Variants in ZNF250 observed in about 807,000 individuals in gnomAD.
The protein encoded by ZNF250 is zinc finger protein (clone 647).
A neutral mutation model predicts 37.1 loss-of-function variants in ZNF250; 13 were observed. The ratio of observed to expected loss-of-function variants is 0.35; its 90% confidence interval spans 0.23 to 0.56. The LOEUF (loss-of-function observed/expected upper bound fraction) is 0.56. ZNF250 is among the 20% of genes least tolerant of loss of function. The pLI is 0.87. For missense variants in ZNF250, 474 were observed against 697.9 expected (o/e 0.68, Z 3.61); for synonymous variants, 251 against 265.6 (o/e 0.94, Z 0.54).
In ZNF250 at chr8:144,890,786, G is replaced by C. The variant is rs1472121891; in HGVS notation, c.-54-383C>G. 6.6e-6 allele frequency among the ~76,000 whole-genome samples: 1 copy of C among 152,164 alleles called. No homozygotes were observed. Among genetic ancestry groups the C allele is most frequent in the African/African-American group, 2.4e-5 (1 of 41,438 alleles). ...CACACAAGTACCAGACTGTCCGCAA[G>C]TCATGTGGGGGATACAGGCATCAGG... is the stretch of plus-strand genomic sequence containing the variant. On this transcript the variant is annotated intron_variant, in intron 1 of 5. Transcript: ENST00000417550. This position sits in a 1 kb window ranked among gnomAD's most constrained non-coding sequence, Gnocchi z 5.1.
At chr8:144,896,545 C>G (rs983905530) in intron 1 of ZNF250, among the ~76,000 whole-genome samples, 1 of 152,080 alleles carries the variant, frequency 6.6e-6, no homozygotes, top group Non-Finnish European at 1.5e-5. Context: ...ATACTCAAGA[C>G]AGGAAAATGT....
At chr8:144,885,917 G>A (rs981660404) in intron 5 of ZNF250, among the ~76,000 whole-genome samples, 3 of 151,808 alleles carry the variant, frequency 2.0e-5, no homozygotes, top group African/African-American at 4.8e-5. Flanking sequence ...ACCAGCTTGC[G>A]CAACATGGTG....
chr8:144,900,062 C>T (rs1563905994), intron 1 of ZNF250, among the ~76,000 whole-genome samples: 1 of 152,096 alleles, frequency 6.6e-6, no homozygotes, highest in Non-Finnish European at 1.5e-5. Flanking sequence ...TTTCAACATA[C>T]ATGGAAAAAA....
At position 144,894,585 on chromosome 8, in the gene ZNF250, C is replaced by T. The variant is rs944926840; in HGVS notation, c.-54-4182G>A. Among the ~76,000 whole-genome samples the T allele has an allele frequency of 3.4e-5, 5 of 148,514 alleles. No individual in the cohort carries two copies. In the East Asian group the frequency reaches 6.2e-4, roughly 18 times the overall value. ...CAGGCCCAACAGAGTAATCAGTGGT[C>T]GACCTTTTTTTTTTTTTTTTAATTA... On this transcript the variant is annotated intron_variant, in intron 1 of 5. Transcript: ENST00000417550.
At chr8:144,887,927 C>T (rs957555229) in intron 4 of ZNF250, among the ~76,000 whole-genome samples, 4 of 152,182 alleles carry the variant, frequency 2.6e-5, no homozygotes, top group African/African-American at 7.2e-5. Flanking sequence ...CATAAAGCTA[C>T]TTTAGAAATA....
rs368765560 is a variant in ZNF250 at position 144,890,072 on chromosome 8, G to A, written c.43-13C>T. ...AGGTCAGCTTGGCCTGGAACGACAG[G>A]GGCTGCTGCAGGTAAAACCAAATCC... On this transcript the variant is annotated splice_polypyrimidine_tract_variant and intron_variant, in intron 2 of 5. Coordinates refer to ENST00000417550, the MANE Select transcript of ZNF250 (RefSeq NM_001109689.4). The surrounding 1 kb of genome is among the most constrained non-coding windows in gnomAD (Gnocchi z 5.1). 4.3e-6 allele frequency: 7 copies of A among 1,610,280 alleles called. No individual in the cohort carries two copies. The African/African-American group carries it at 9.4e-5, about 22-fold the overall frequency.
rs1300164444 is a variant in ZNF250, at chr8:144,890,418, G to A, written c.-54-15C>T. On this transcript the variant is annotated splice_polypyrimidine_tract_variant and intron_variant, in intron 1 of 5. Transcript: ENST00000417550. This position sits in a 1 kb window ranked among gnomAD's most constrained non-coding sequence, Gnocchi z 5.1. ...AGCCTATGGGGCTGAGGAAGAGGAGGGGGCAAGTGAGGGGCATGGCCTTGA... is the reference window on the plus strand; with the variant it reads ...AGCCTATGGGGCTGAGGAAGAGGAGAGGGCAAGTGAGGGGCATGGCCTTGA... The A allele has an allele frequency of 8.6e-6, 12 of 1,397,998 alleles. No individual in the cohort carries two copies. The highest frequency in any genetic ancestry group is 1.1e-5 in the Non-Finnish European group (12 of 1,066,738). 86.6% of individuals were successfully genotyped at this position (1,397,998 alleles called of 1,614,324 possible).
At position 144,878,133 on chromosome 8, in the gene ZNF250, G is replaced by C. The variant is rs1044197754; in HGVS notation, c.*3382C>G. The C allele has an allele frequency of 2.6e-5, 4 of 152,162 alleles. No homozygotes were observed. The highest frequency in any genetic ancestry group is 5.9e-5 in the Non-Finnish European group (4 of 68,040). The allele number at this position is 152,162 out of a possible 1,614,324, so 9.4% of individuals were successfully genotyped here. A position where few individuals can be genotyped will look rare whatever the true frequency, so the allele number is the denominator to read the frequency against. ...CAGGTTTCTGGACTTTCATCTCAGT[G>C]ATCTCATCTAGGTACCTGGGTGATC... On this transcript the variant is annotated 3_prime_UTR_variant, in exon 6 of 6. Coordinates refer to ENST00000417550, the MANE Select transcript of ZNF250 (RefSeq NM_001109689.4).
chr8:144,894,896 T>C (rs1325315602), intron 1 of ZNF250, among the ~76,000 whole-genome samples: 2 of 151,964 alleles, frequency 1.3e-5, no homozygotes, highest in African/African-American at 4.8e-5. Context: ...ACTCCTAGGC[T>C]CAAGGGATCC....
chr8:144,892,947 C>T (rs2129830375), intron 1 of ZNF250, among the ~76,000 whole-genome samples: 1 of 150,904 alleles, frequency 6.6e-6, no homozygotes, highest in East Asian at 2.0e-4. Context: ...GCAACCCCTG[C>T]CTCCCAGGTT....
chr8:144,901,676 T>C (rs1833118461), upstream of ZNF250: 1 of 151,838 alleles, frequency 6.6e-6, no homozygotes, highest in Admixed American at 6.6e-5. This position sits in a 1 kb window ranked among gnomAD's most constrained non-coding sequence, Gnocchi z 5.4. Flanking sequence ...CGAACACCTC[T>C]GGGCAATGGG....
intron 1 of ZNF250, among the ~76,000 whole-genome samples, chr8:144,899,732 A>G (rs1246398939): frequency 6.6e-6 from 1 of 152,216 alleles, no homozygotes; most frequent in Non-Finnish European, 1.5e-5. Context: ...CGGTTTTTCA[A>G]ATCAATGGGA....
intron 1 of ZNF250, among the ~76,000 whole-genome samples, chr8:144,900,489 G>A (rs557908412): frequency 3.3e-4 from 51 of 152,312 alleles, no homozygotes; most frequent in African/African-American, 1.2e-3. Context: ...TCATACACTG[G>A]CAGAGTGTCG....
rs1271251517 is a variant in ZNF250 at position 144,880,393 on chromosome 8, GT to G, written c.*1121del. On this transcript the variant is annotated 3_prime_UTR_variant, in exon 6 of 6. Transcript: ENST00000417550. ...GTGTAACAGCTATGAGGTCTGCTGA[GT>G]GTGAAGCTCCCCTCCTTTGCCTGCA... 2 of 456,712 alleles carry G rather than the reference GT, an allele frequency of 4.4e-6. No homozygotes were observed. Among genetic ancestry groups the G allele is most frequent in the Non-Finnish European group, 8.8e-6 (2 of 226,970 alleles). The allele number at this position is 456,712 out of a possible 1,614,324, so 28.3% of individuals were successfully genotyped here.
At chr8:144,898,949 T>A (rs1832904340) in intron 1 of ZNF250, among the ~76,000 whole-genome samples, 1 of 152,202 alleles carries the variant, frequency 6.6e-6, no homozygotes, top group South Asian at 2.1e-4. Flanking sequence ...ACTGCAGCAC[T>A]ATTCACAATA....
At chr8:144,893,486 A>G (rs949873086) in intron 1 of ZNF250, among the ~76,000 whole-genome samples, 1 of 152,026 alleles carries the variant, frequency 6.6e-6, no homozygotes, top group African/African-American at 2.4e-5. Flanking sequence ...ACCTGCCTCC[A>G]TGCCCGGCTA....
In ZNF250 at chr8:144,890,688, C is replaced by T. The variant is rs1283431518; in HGVS notation, c.-54-285G>A. On this transcript the variant is annotated intron_variant, in intron 1 of 5. Coordinates refer to ENST00000417550, the MANE Select transcript of ZNF250 (RefSeq NM_001109689.4). This position sits in a 1 kb window ranked among gnomAD's most constrained non-coding sequence, Gnocchi z 5.1. ...TGCAAGGCACTTGCTGCACCCTGGT[C>T]CCGGCCCATGGTCCTGCCATACACA... 2.0e-5 allele frequency among the ~76,000 whole-genome samples: 3 copies of T among 152,092 alleles called. No individual in the cohort carries two copies. The highest frequency in any genetic ancestry group is 1.3e-4 in the Admixed American group (2 of 15,270).
Position 144,881,843 on chromosome 8 carries a change from A to G in ZNF250, c.1340T>C (p.Val447Ala), listed in dbSNP as rs770081789. 3 of 1,613,572 alleles carry G rather than the reference A, an allele frequency of 1.9e-6. No homozygotes were observed. Among genetic ancestry groups the G allele is most frequent in the Non-Finnish European group, 2.5e-6 (3 of 1,179,890 alleles). ...QRVHTGEKPY[V>A]CGECGHAFSA... ...GAAGGCGTGCCCACATTCACCACAC[A>G]CATAGGGCTTCTCCCCAGTGTGGAC... is the stretch of plus-strand genomic sequence containing the variant. The change falls in exon 6 of 6, where the codon GTG (valine) becomes GCG (alanine). Residue 447 changes from valine to alanine, a missense_variant. Transcript: ENST00000417550.
At position 144,890,502 on chromosome 8, in the gene ZNF250, G is replaced by A. The variant is rs1433936398; in HGVS notation, c.-54-99C>T. ...CCTGGGCCTCATTCAGAGTCACTGA[G>A]GGGCACACTGAGGTCAGGTGCAAGG... On this transcript the variant is annotated intron_variant, in intron 1 of 5. Transcript: ENST00000417550. This position sits in a 1 kb window ranked among gnomAD's most constrained non-coding sequence, Gnocchi z 5.1. 4.6e-6 allele frequency: 3 copies of A among 654,000 alleles called. No individual in the cohort carries two copies. The highest frequency in any genetic ancestry group is 6.6e-5 in the Admixed American group (2 of 30,092). The allele number at this position is 654,000 out of a possible 1,614,324, so 40.5% of individuals were successfully genotyped here. A position where few individuals can be genotyped will look rare whatever the true frequency, so the allele number is the denominator to read the frequency against.
Sources: allele counts gnomAD v4.1 joint callset (sites outside exome capture counted in the v4.1 genomes callset), GRCh38; gene constraint gnomAD v4.1.1; non-coding constraint Gnocchi (gnomAD v3.1); transcripts MANE v1.5; gene names NCBI Gene and HGNC (gene_info 2026-07-23, HGNC 2026-07-21).